ALK: variants seen among roughly 807,000 people sequenced by gnomAD.
ALK encodes the protein ALK receptor tyrosine kinase.
A neutral mutation model predicts 163.1 loss-of-function variants in ALK; 74 were observed. That is an observed-to-expected ratio of 0.45 (90% confidence interval 0.38 to 0.55). ALK has a LOEUF of 0.55. Ranked by LOEUF, ALK falls within the 20% of genes least tolerant of loss-of-function variation. The probability of loss-of-function intolerance (pLI) is 0.00; values close to 1 mark genes in which losing one functional copy is unlikely to be tolerated. For missense variants in ALK, 2,063 were observed against 2,105.3 expected (o/e 0.98, Z 0.39); for synonymous variants, 960 against 843.2 (o/e 1.14, Z -2.40).
intron 2 of ALK, among the ~76,000 whole-genome samples, chr2:29,707,193 G>A (rs1177227127): frequency 1.3e-5 from 2 of 152,152 alleles, no homozygotes; most frequent in Non-Finnish European, 1.5e-5. Context: ...ATGACAACAG[G>A]AGAAGCCTGG....
chr2:29,300,377 C>A (rs533003612), intron 8 of ALK, among the ~76,000 whole-genome samples: 6 of 151,754 alleles, frequency 4.0e-5, no homozygotes, highest in Non-Finnish European at 8.8e-5. Flanking sequence ...GGTGAAACCC[C>A]GACTCTACTA....
At chr2:29,788,493 T>C (rs1465639339) in intron 1 of ALK, among the ~76,000 whole-genome samples, 1 of 152,108 alleles carries the variant, frequency 6.6e-6, no homozygotes, top group Non-Finnish European at 1.5e-5. Flanking sequence ...TGGGAGAAAT[T>C]AGAAGTTATA....
intron 4 of ALK, among the ~76,000 whole-genome samples, chr2:29,447,130 G>A (rs949325110): frequency 2.0e-5 from 3 of 152,176 alleles, no homozygotes; most frequent in African/African-American, 4.8e-5. Flanking sequence ...TGGCAAACAC[G>A]TGGGTGGAGG....
intron 1 of ALK, among the ~76,000 whole-genome samples, chr2:29,841,166 A>G (rs1665688030): frequency 6.6e-6 from 1 of 152,230 alleles, no homozygotes; most frequent in Non-Finnish European, 1.5e-5. Context: ...TAAAAAGCCA[A>G]ACTCCCACTA....
At chr2:29,863,329 G>C (rs1473048551) in intron 1 of ALK, among the ~76,000 whole-genome samples, 1 of 152,160 alleles carries the variant, frequency 6.6e-6, no homozygotes, top group Non-Finnish European at 1.5e-5. Flanking sequence ...ACACAGTGAA[G>C]AGACAGCCTG....
intron 1 of ALK, among the ~76,000 whole-genome samples, chr2:29,736,029 C>T (rs1238276016): frequency 6.6e-6 from 1 of 151,944 alleles, no homozygotes. Flanking sequence ...TGCTCAAGAC[C>T]CCAAGCCAGC....
intron 19 of ALK, chr2:29,224,663 A>G (rs899854233): frequency 1.3e-5 from 3 of 223,484 alleles, no homozygotes; most frequent in East Asian, 6.5e-5. Flanking sequence ...ACCGACCGTG[A>G]TCAGATTAGG....
At chr2:29,449,866 G>A (rs1670778486) in intron 4 of ALK, among the ~76,000 whole-genome samples, 1 of 152,204 alleles carries the variant, frequency 6.6e-6, no homozygotes, top group South Asian at 2.1e-4. Context: ...GAAATTGGAG[G>A]AAAGGTCTGC....
At chr2:29,660,177 A>T (rs1677308507) in intron 3 of ALK, among the ~76,000 whole-genome samples, 1 of 152,148 alleles carries the variant, frequency 6.6e-6, no homozygotes, top group Non-Finnish European at 1.5e-5. Flanking sequence ...TCTGTCCAGC[A>T]TGGTTCCTCT....
intron 3 of ALK, among the ~76,000 whole-genome samples, chr2:29,687,581 T>C (rs960057585): frequency 2.0e-5 from 3 of 152,048 alleles, no homozygotes; most frequent in African/African-American, 7.2e-5. Flanking sequence ...AAATAATATA[T>C]GACAATGAAC....
At chr2:29,430,017 G>T (rs1295582768) in intron 4 of ALK, among the ~76,000 whole-genome samples, 1 of 152,068 alleles carries the variant, frequency 6.6e-6, no homozygotes, top group Non-Finnish European at 1.5e-5. Context: ...GCAAAATGAA[G>T]TTGAACCCCT....
intron 1 of ALK, among the ~76,000 whole-genome samples, chr2:29,794,280 G>A (rs577356476): frequency 6.6e-6 from 1 of 152,152 alleles, no homozygotes; most frequent in Non-Finnish European, 1.5e-5. Flanking sequence ...GAATTGAAGA[G>A]AGTTGAACTT....
chr2:29,870,299 C>T (rs1666544524), intron 1 of ALK, among the ~76,000 whole-genome samples: 1 of 152,162 alleles, frequency 6.6e-6, no homozygotes, highest in South Asian at 2.1e-4. Flanking sequence ...CCTCAGGAAA[C>T]TTACAATAGT....
At chr2:29,329,694 C>T (rs1456495387) in intron 5 of ALK, among the ~76,000 whole-genome samples, 1 of 152,216 alleles carries the variant, frequency 6.6e-6, no homozygotes, top group Non-Finnish European at 1.5e-5. Context: ...ATGAGGTACT[C>T]TCCAGGTTAG....
At chr2:29,324,311 C>A (rs188716530) in intron 6 of ALK, among the ~76,000 whole-genome samples, 1 of 152,144 alleles carries the variant, frequency 6.6e-6, no homozygotes, top group Admixed American at 6.5e-5. Flanking sequence ...TTCCTTCCTG[C>A]GTGACAACTC....
chr2:29,595,330 T>G (rs1462408101), intron 3 of ALK, among the ~76,000 whole-genome samples: 7 of 150,478 alleles, frequency 4.7e-5, no homozygotes, highest in African/African-American at 1.5e-4. Flanking sequence ...TTTTTTTTTT[T>G]TTTTTTTTTT....
At chr2:29,727,360 C>T (rs1679603731) in intron 1 of ALK, among the ~76,000 whole-genome samples, 1 of 152,262 alleles carries the variant, frequency 6.6e-6, no homozygotes, top group Admixed American at 6.5e-5. Context: ...CTAAGAAGCC[C>T]CAGCTCCAGA....
rs372244228 is a variant in ALK, at chr2:29,694,900, A to G, written c.902T>C (p.Met301Thr). The change falls in exon 3 of 29, where the codon ATG becomes ACG. Residue 301 changes from methionine to threonine, a missense_variant. Coordinates refer to ENST00000389048, the MANE Select transcript of ALK (RefSeq NM_004304.5). ...RRIPSEEASQMDLLDGPGAER... is the reference protein window; with the variant it reads ...RRIPSEEASQTDLLDGPGAER... Reference sequence around the variant, plus strand: ...TGCCCCAGGCCCATCCAGCAAGTCCATCTGGGAGGCCTCCTCGGAGGGGAT... The same window carrying G: ...TGCCCCAGGCCCATCCAGCAAGTCCGTCTGGGAGGCCTCCTCGGAGGGGAT... 2 of 1,613,980 alleles carry G rather than the reference A, an allele frequency of 1.2e-6. No individual in the cohort carries two copies. Among genetic ancestry groups the G allele is most frequent in the Non-Finnish European group, 1.7e-6 (2 of 1,179,984 alleles).
chr2:29,912,584 C>T (rs1667734884), intron 1 of ALK, among the ~76,000 whole-genome samples: 3 of 151,900 alleles, frequency 2.0e-5, no homozygotes, highest in African/African-American at 4.8e-5. Context: ...AATATTGAAA[C>T]TTGAGGAAAA....
Sources: gnomAD v4.1 joint callset for allele counts (sites outside exome capture counted in the v4.1 genomes callset) on GRCh38, gnomAD v4.1.1 for gene constraint, MANE v1.5 for transcripts, NCBI Gene and HGNC (gene_info 2026-07-23, HGNC 2026-07-21) for gene names.